The following RBM38 variants were observed in gnomAD, a reference collection of about 807,000 sequenced individuals.
RBM38 encodes the protein RNA-binding protein 38.
Under a neutral mutation model 23.5 loss-of-function variants are expected in RBM38, and 11 were observed. The ratio of observed to expected loss-of-function variants is 0.47; its 90% CI spans 0.29 to 0.77. The LOEUF (loss-of-function observed/expected upper bound fraction) is 0.77, where lower values mean the gene tolerates loss of function less well. RBM38 is among the 30% of genes least tolerant of loss of function. The pLI is 0.08. For missense variants in RBM38, 330 were observed against 351.9 expected (o/e 0.94, Z 0.50); for synonymous variants, 165 against 166.1 (o/e 0.99, Z 0.05).
rs149077692 is a variant in RBM38, at chr20:57,394,626, G to A, written c.416+1293G>A. 6.4e-3 allele frequency among the ~76,000 whole-genome samples: 967 copies of A among 151,950 alleles called. 7 individuals are homozygous for A. Among genetic ancestry groups the A allele is most frequent in the South Asian group, 0.031 (148 of 4,802 alleles). ...GTGGTGGGAGCAGGCGGCCCTGTCC[G>A]TCTCGTCCTGGAATCTGTTTTGTAG... On this transcript the variant is annotated intron_variant, in intron 3 of 3. Coordinates refer to ENST00000356208, the MANE Select transcript of RBM38 (RefSeq NM_017495.6).
chr20:57,394,282 T>C (rs2067251899), intron 3 of RBM38, among the ~76,000 whole-genome samples: 1 of 150,864 alleles, frequency 6.6e-6, no homozygotes. Flanking sequence ...ACTGGGGCAG[T>C]GTGGACAAGG....
intron 3 of RBM38, among the ~76,000 whole-genome samples, chr20:57,404,146 A>C (rs1377115533): frequency 1.3e-5 from 2 of 152,306 alleles, no homozygotes; most frequent in Non-Finnish European, 2.9e-5. Context: ...GGGCATCAGA[A>C]CCCGATAGAA....
intron 3 of RBM38, among the ~76,000 whole-genome samples, chr20:57,395,870 T>TCGGCCTTGGGCTGG (rs1347479248): frequency 2.1e-4 from 32 of 152,298 alleles, no homozygotes; most frequent in African/African-American, 7.7e-4. Flanking sequence ...GCCAGTTTTG[T>TCGGCCTTGGGCTGG]CGGCCTTGGG....
intron 3 of RBM38, among the ~76,000 whole-genome samples, chr20:57,398,860 T>A (rs2067300804): frequency 6.6e-6 from 1 of 152,200 alleles, no homozygotes; most frequent in Non-Finnish European, 1.5e-5. Context: ...CAGTTTCACC[T>A]TGTGTCCAGG....
chr20:57,400,075 G>A (rs926690210), intron 3 of RBM38: 2 of 445,416 alleles, frequency 4.5e-6, no homozygotes, highest in Middle Eastern at 5.6e-4. Flanking sequence ...AGACTCTGCC[G>A]GAGGCCCAAG....
chr20:57,401,823 G>A (rs2067331164), intron 3 of RBM38, among the ~76,000 whole-genome samples: 1 of 152,200 alleles, frequency 6.6e-6, no homozygotes, highest in South Asian at 2.1e-4. Context: ...GTGGAGATGA[G>A]TTAGAAGAGG....
At chr20:57,391,990 G>A (rs924771936) in intron 1 of RBM38, among the ~76,000 whole-genome samples, 172 bp downstream of exon 1, 1 of 50,846 alleles carries the variant, frequency 2.0e-5, no homozygotes, top group Non-Finnish European at 3.8e-5. Context: ...TGCCGGTCCC[G>A]CCCCCACCAC....
intron 3 of RBM38, among the ~76,000 whole-genome samples, chr20:57,395,259 G>A (rs550697837): frequency 6.6e-6 from 1 of 152,116 alleles, no homozygotes; most frequent in Non-Finnish European, 1.5e-5. Flanking sequence ...GTGGGGAGGC[G>A]TGAGGTAATA....
Position 57,407,545 on chromosome 20 carries a change from T to C in RBM38, c.419T>C (p.Leu140Pro), listed in dbSNP as rs759044217. 4.3e-6 allele frequency: 7 copies of C among 1,613,032 alleles called. No homozygotes were observed. The highest frequency in any genetic ancestry group is 1.7e-5 in the Admixed American group (1 of 59,954). ...HPTLIQRTYGLTPHYIYPPAI... is the reference protein window; with the variant it reads ...HPTLIQRTYGPTPHYIYPPAI... Reference sequence around the variant, plus strand: ...ACCTGCTCTGCTTGGCCCCACAGGCTGACCCCGCACTACATCTACCCACCA... The same window carrying C: ...ACCTGCTCTGCTTGGCCCCACAGGCCGACCCCGCACTACATCTACCCACCA... Residue 140 changes from leucine (L) to proline (P), a missense_variant and splice_region_variant, in exon 4 of 4, where the codon CTG (leucine) becomes CCG (proline). Physicochemically the swap from Leu to Pro is moderately conservative, Grantham distance 98. Around this residue, in one of 3 missense-constraint regions of RBM38, gnomAD observed 227 missense variants for 216.4 expected, o/e 1.05. Transcript: ENST00000356208. This position sits in a 1 kb window ranked among gnomAD's most constrained non-coding sequence, Gnocchi z 4.0.
In RBM38 at chr20:57,407,866, G is replaced by A. The variant is rs1388886723; in HGVS notation, c.*20G>A. 9.1e-6 allele frequency: 14 copies of A among 1,534,784 alleles called. No individual in the cohort carries two copies. Among genetic ancestry groups the A allele is most frequent in the Non-Finnish European group, 1.1e-5 (13 of 1,143,848 alleles). ...CAGTGAGGGGCGTTCCTGCCCCGAG[G>A]ACTGTGGCATTGTCACCTTCACAGC... On this transcript the variant is annotated 3_prime_UTR_variant, in exon 4 of 4. Transcript: ENST00000356208. The surrounding 1 kb of genome is among the most constrained non-coding windows in gnomAD (Gnocchi z 4.0).
chr20:57,405,766 C>T (rs552464434), intron 3 of RBM38, among the ~76,000 whole-genome samples: 2 of 150,436 alleles, frequency 1.3e-5, no homozygotes, highest in African/African-American at 4.9e-5. Context: ...GGAGGGAGCT[C>T]GCAGGGCTCC....
chr20:57,392,534 A>G, intron 1 of RBM38, 120 bp from the exon 2 acceptor site: 1 of 1,517,716 alleles, frequency 6.6e-7, no homozygotes, highest in Admixed American at 2.1e-5. Context: ...CCTGGGTCAC[A>G]GGCACCCTCA....
rs745958729 is a variant in RBM38, at chr20:57,393,268, T to G, written c.362-11T>G. On this transcript the variant is annotated splice_polypyrimidine_tract_variant and intron_variant, in intron 2 of 3. Coordinates refer to ENST00000356208, the MANE Select transcript of RBM38 (RefSeq NM_017495.6). ...AGCAAGGCCAAGTCCCTGATTGTTC[T>G]CTCGTTTTAGGCTTTGCCATTGGGG... The G allele has an allele frequency of 1.2e-6, 2 of 1,613,174 alleles. No individual in the cohort carries two copies. The highest frequency in any genetic ancestry group is 1.7e-5 in the Admixed American group (1 of 59,994).
chr20:57,394,003 T>A (rs557495974), intron 3 of RBM38, among the ~76,000 whole-genome samples: 124 of 151,998 alleles, frequency 8.2e-4, no homozygotes, highest in Non-Finnish European at 1.4e-3. Flanking sequence ...CACACACACT[T>A]AAGGGATACA....
intron 3 of RBM38, among the ~76,000 whole-genome samples, chr20:57,406,874 G>C (rs2067390062): frequency 6.6e-6 from 1 of 152,002 alleles, no homozygotes. Flanking sequence ...GGCACCTGTA[G>C]TCCCAGCTAC....
intron 3 of RBM38, among the ~76,000 whole-genome samples, chr20:57,404,305 C>T (rs1356526232): frequency 6.6e-6 from 1 of 152,240 alleles, no homozygotes; most frequent in African/African-American, 2.4e-5. Context: ...TTCCTGGGCC[C>T]CATCTGCCTT....
chr20:57,397,923 G>A (rs972336451), intron 3 of RBM38, among the ~76,000 whole-genome samples: 1 of 152,224 alleles, frequency 6.6e-6, no homozygotes, highest in African/African-American at 2.4e-5. Context: ...ACAGTTCCGC[G>A]TCTCGAGTAC....
At chr20:57,396,671 C>G (rs2067277886) in intron 3 of RBM38, among the ~76,000 whole-genome samples, 2 of 152,208 alleles carry the variant, frequency 1.3e-5, no homozygotes, top group Non-Finnish European at 2.9e-5. Flanking sequence ...TGGAATATCC[C>G]TGGCCTCCAC....
intron 3 of RBM38, among the ~76,000 whole-genome samples, chr20:57,395,578 G>C (rs931119927): frequency 3.9e-5 from 6 of 152,222 alleles, no homozygotes; most frequent in Non-Finnish European, 7.3e-5. Flanking sequence ...TGTCAGAGGG[G>C]CCATCCGCTC....
Sources: gnomAD v4.1 joint callset for allele counts (sites outside exome capture counted in the v4.1 genomes callset) on GRCh38, gnomAD v4.1.1 for gene constraint, gnomAD v4.1.1 regional missense constraint, Gnocchi (gnomAD v3.1) non-coding constraint, MANE v1.5 for transcripts, NCBI Gene and HGNC (gene_info 2026-07-23, HGNC 2026-07-21) for gene names.